The following CHD7 variants were observed in gnomAD, a reference collection of about 807,000 sequenced individuals.
The protein encoded by CHD7 is ATP-dependent chromatin remodeler CHD7.
CHD7 carries 24 observed loss-of-function variants against 307.3 expected under a neutral mutation model. The observed-to-expected ratio is 0.08, with a 90% CI of 0.06 to 0.11. The LOEUF is 0.11. Ranked by LOEUF, CHD7 falls within the 10% of genes least tolerant of loss-of-function variation. CHD7 has a pLI of 1.00. For synonymous variants in CHD7, 1,363 were observed against 1,349.9 expected, an observed-to-expected ratio of 1.01 and a Z score of -0.21; for missense variants, 3,106 against 3,727.1, an observed-to-expected ratio of 0.83 and a Z score of 4.34.
intron 1 of CHD7, among the ~76,000 whole-genome samples, chr8:60,720,195 T>C (rs1192633375): frequency 1.3e-5 from 2 of 152,230 alleles, no homozygotes; most frequent in Non-Finnish European, 2.9e-5. Flanking sequence ...ATCTGTCCTC[T>C]TTCAATGGCC....
chr8:60,840,856 CA>C (rs1774094384), intron 19 of CHD7, among the ~76,000 whole-genome samples: 1 of 151,798 alleles, frequency 6.6e-6, no homozygotes, highest in African/African-American at 2.4e-5. Context: ...GACCTCAAGC[CA>C]TCTACCCACC....
intron 1 of CHD7, among the ~76,000 whole-genome samples, chr8:60,692,873 A>G (rs1437787415): frequency 1.3e-5 from 2 of 152,130 alleles, no homozygotes; most frequent in East Asian, 1.9e-4. Context: ...GTTCAGGCCC[A>G]CAGCAACCTT....
At chr8:60,722,058 A>G (rs1278209256) in intron 1 of CHD7, among the ~76,000 whole-genome samples, 1 of 152,196 alleles carries the variant, frequency 6.6e-6, no homozygotes, top group East Asian at 1.9e-4. Context: ...AGCAAAAGTA[A>G]GGTATTTCCT....
intron 15 of CHD7, among the ~76,000 whole-genome samples, chr8:60,832,931 C>T (rs1341357423): frequency 6.6e-6 from 1 of 152,148 alleles, no homozygotes; most frequent in Non-Finnish European, 1.5e-5. Context: ...TCTGTCCTGA[C>T]AAGAAGTGTC....
chr8:60,764,052 A>G (rs964102172), intron 2 of CHD7, among the ~76,000 whole-genome samples: 2 of 152,212 alleles, frequency 1.3e-5, no homozygotes, highest in Non-Finnish European at 2.9e-5. Context: ...CAGTGGCACA[A>G]TCTTGGCTCA....
chr8:60,715,058 A>G (rs1454904957), intron 1 of CHD7, among the ~76,000 whole-genome samples: 2 of 152,232 alleles, frequency 1.3e-5, no homozygotes, highest in African/African-American at 4.8e-5. Context: ...TGCTCAATGC[A>G]TGGCTCTTCT....
chr8:60,681,910 A>G (rs7001408), intron 1 of CHD7, among the ~76,000 whole-genome samples: 7,496 of 152,236 alleles, frequency 0.049, 633 homozygotes, highest in African/African-American at 0.17. Context: ...ATTTTAAAAG[A>G]CTGGTATATG....
At chr8:60,781,518 G>T in intron 3 of CHD7, 88 bp downstream of exon 3, 2 of 1,422,358 alleles carry the variant, frequency 1.4e-6, no homozygotes, top group Non-Finnish European at 1.8e-6. Flanking sequence ...ATGAGGGGTG[G>T]GAGGGGACAC....
intron 3 of CHD7, among the ~76,000 whole-genome samples, chr8:60,790,761 A>G (rs1811737755): frequency 1.3e-5 from 2 of 152,204 alleles, no homozygotes; most frequent in Non-Finnish European, 2.9e-5. Context: ...TTGGAGAAAG[A>G]CACACATATA....
chr8:60,752,681 G>A (rs1056504416), intron 2 of CHD7, among the ~76,000 whole-genome samples: 5 of 152,192 alleles, frequency 3.3e-5, no homozygotes, highest in African/African-American at 9.7e-5. Context: ...TTTAGATCAT[G>A]TTTCTTGATG....
At chr8:60,696,849 T>C (rs1806503195) in intron 1 of CHD7, among the ~76,000 whole-genome samples, 1 of 152,004 alleles carries the variant, frequency 6.6e-6, no homozygotes, top group African/African-American at 2.4e-5. Context: ...GCATGTTTTT[T>C]TTTTTTCTTT....
At chr8:60,852,476 G>C in intron 29 of CHD7, 22 bp from the exon 30 acceptor site, 1 of 1,594,154 alleles carries the variant, frequency 6.3e-7, no homozygotes, top group Non-Finnish European at 8.6e-7. Context: ...TATGATGCAA[G>C]CTAATATAAT....
At chr8:60,732,827 AT>A (rs1808519024) in intron 1 of CHD7, among the ~76,000 whole-genome samples, 2 of 152,008 alleles carry the variant, frequency 1.3e-5, no homozygotes, top group Non-Finnish European at 2.9e-5. Context: ...CTGAAATTTA[AT>A]TTTTTTCCTA....
At position 60,842,049 on chromosome 8, in the gene CHD7, A is replaced by G. The variant is rs200964201; in HGVS notation, c.4847A>G (p.Tyr1616Cys). The change falls in exon 21 of 38, where the codon TAT becomes TGT. Residue 1616 changes from tyrosine to cysteine, a missense_variant. Physicochemically the swap from Tyr to Cys is radical, Grantham distance 194 (BLOSUM62 -2). This residue lies in a region of CHD7 where 122 missense variants were observed against 124.5 expected (regional missense o/e 0.98). Coordinates refer to ENST00000423902, the MANE Select transcript of CHD7 (RefSeq NM_017780.4). Reference sequence around the variant, plus strand: ...AGGGTGGAGAAGAATCTGCTTGTCTATGGGTAAGTAGGACTCACTACGTAA... The same window carrying G: ...AGGGTGGAGAAGAATCTGCTTGTCTGTGGGTAAGTAGGACTCACTACGTAA... ...CFRVEKNLLV[Y>C]GWGRWTDILS... 4 of 1,611,608 alleles carry G rather than the reference A, an allele frequency of 2.5e-6. No individual in the cohort carries two copies. Among genetic ancestry groups the G allele is most frequent in the Non-Finnish European group, 1.7e-6 (2 of 1,178,320 alleles).
At chr8:60,746,447 T>C (rs1170420537) in intron 2 of CHD7, among the ~76,000 whole-genome samples, 9 of 152,230 alleles carry the variant, frequency 5.9e-5, no homozygotes, top group Non-Finnish European at 1.3e-4. Context: ...GAAATATTTT[T>C]ATTTAATTAT....
intron 3 of CHD7, among the ~76,000 whole-genome samples, chr8:60,788,384 A>G (rs1281647061): frequency 6.6e-6 from 1 of 151,964 alleles, no homozygotes; most frequent in Non-Finnish European, 1.5e-5. Flanking sequence ...CAAGCGGTCC[A>G]CCTGCCTTGG....
At position 60,837,772 on chromosome 8, in the gene CHD7, G is replaced by C; in HGVS notation, c.4290G>C (p.Leu1430Phe). The C allele has an allele frequency of 6.2e-7, 1 of 1,613,762 alleles. No individual in the cohort carries two copies. Among genetic ancestry groups the C allele is most frequent in the Non-Finnish European group, 8.5e-7 (1 of 1,179,776 alleles). Residue 1430 changes from leucine to phenylalanine, a missense_variant, in exon 18 of 38, where the codon TTG (leucine) becomes TTC (phenylalanine). Physicochemically the swap from Leu to Phe is conservative, Grantham distance 22 (BLOSUM62 0). Around this residue, in one of 10 missense-constraint regions of CHD7, gnomAD observed 93 missense variants for 176.4 expected, o/e 0.53. Transcript: ENST00000423902. ...YEREMFDKAS[L>F]KLGLDKAVLQ... ...GGGAAATGTTCGACAAGGCTAGTTT[G>C]AAACTGGGCCTGGATAAAGCTGTGC...
At chr8:60,731,919 T>G (rs1808474709) in intron 1 of CHD7, among the ~76,000 whole-genome samples, 1 of 152,264 alleles carries the variant, frequency 6.6e-6, no homozygotes, top group East Asian at 1.9e-4. Flanking sequence ...GGCATGGGTC[T>G]TCGAAAGCCC....
intron 2 of CHD7, among the ~76,000 whole-genome samples, chr8:60,770,910 G>A (rs1448796651): frequency 6.6e-6 from 1 of 152,196 alleles, no homozygotes; most frequent in East Asian, 1.9e-4. Context: ...ACAACGATTA[G>A]GTAGTAGGCA....
Sources: allele counts gnomAD v4.1 joint callset (sites outside exome capture counted in the v4.1 genomes callset), GRCh38; gene constraint gnomAD v4.1.1; regional missense constraint gnomAD v4.1.1; transcripts MANE v1.5; gene names NCBI Gene and HGNC (gene_info 2026-07-23, HGNC 2026-07-21).